NAALADL2: variants seen among roughly 807,000 people sequenced by gnomAD.
NAALADL2 encodes the protein N-acetylated alpha-linked acidic dipeptidase like 2.
NAALADL2 carries 76 observed loss-of-function variants against 87.2 expected under a neutral mutation model. The ratio of observed to expected loss-of-function variants is 0.87; its 90% CI spans 0.72 to 1.05. NAALADL2 has a LOEUF of 1.05. NAALADL2 is among the 50% of genes least tolerant of loss of function. The pLI is 0.00. For missense variants in NAALADL2, 1,089 were observed against 945.8 expected (o/e 1.15, Z -1.99); for synonymous variants, 354 against 331.0 (o/e 1.07, Z -0.75).
chr3:174,959,726 G>A (rs1026294670), intron 1 of NAALADL2, among the ~76,000 whole-genome samples: 7 of 151,954 alleles, frequency 4.6e-5, no homozygotes, highest in Non-Finnish European at 8.8e-5. Context: ...TCTAAATTTC[G>A]GTTATCACAT....
At chr3:174,800,191 A>G (rs1002469451) in intron 3 of NAALADL2, among the ~76,000 whole-genome samples, 6 of 152,182 alleles carry the variant, frequency 3.9e-5, no homozygotes, top group Non-Finnish European at 5.9e-5. Context: ...AGTAACGAGG[A>G]GCTGAATGTT....
chr3:175,266,782 A>G lies in NAALADL2; in HGVS notation c.939+10252A>G, dbSNP rs184852851. Among the ~76,000 whole-genome samples the G allele has an allele frequency of 3.4e-4, 51 of 151,918 alleles. 1 individual carries two copies. Among genetic ancestry groups the G allele is most frequent in the African/African-American group, 1.2e-3 (48 of 41,550 alleles). ...TAACATTTTTCCAATACCCACATTA[A>G]TGATTGTCTTAATATAACTTCTTTG... On this transcript the variant is annotated intron_variant, in intron 4 of 13. Coordinates refer to ENST00000454872, the MANE Select transcript of NAALADL2 (RefSeq NM_207015.3).
intron 1 of NAALADL2, among the ~76,000 whole-genome samples, chr3:175,014,158 A>C (rs374612063): frequency 6.6e-6 from 1 of 152,002 alleles, no homozygotes; most frequent in Non-Finnish European, 1.5e-5. Context: ...CTCATCTTCT[A>C]TGATTATTCT....
intron 5 of NAALADL2, among the ~76,000 whole-genome samples, chr3:175,345,687 C>T (rs1189909410): frequency 6.6e-6 from 1 of 152,010 alleles, no homozygotes; most frequent in African/African-American, 2.4e-5. Context: ...TCTATTTGGG[C>T]AAAGAGAAGT....
At chr3:175,386,092 C>A (rs12630346) in intron 5 of NAALADL2, among the ~76,000 whole-genome samples, 74,022 of 151,760 alleles carry the variant, frequency 0.49, 18,465 homozygotes, top group East Asian at 0.73. Context: ...ATCTGGGAGG[C>A]GATTCTTGAC....
chr3:175,011,153 A>G (rs1474776843), intron 1 of NAALADL2, among the ~76,000 whole-genome samples: 1 of 151,964 alleles, frequency 6.6e-6, no homozygotes, highest in African/African-American at 2.4e-5. Flanking sequence ...GGGCAGCCAT[A>G]TTTGTACATA....
chr3:175,719,166 C>T (rs558051862), intron 11 of NAALADL2, among the ~76,000 whole-genome samples: 6 of 151,418 alleles, frequency 4.0e-5, no homozygotes, highest in Middle Eastern at 3.4e-3. Context: ...CCCCAGGGAA[C>T]ATCGGCAATG....
intron 1 of NAALADL2, among the ~76,000 whole-genome samples, chr3:174,462,876 C>G (rs1170548396): frequency 6.6e-6 from 1 of 152,168 alleles, no homozygotes; most frequent in African/African-American, 2.4e-5. Flanking sequence ...CGCTAGTAGA[C>G]TTTATAAAAA....
chr3:175,665,960 C>T (rs574191975), intron 11 of NAALADL2, among the ~76,000 whole-genome samples: 48 of 152,018 alleles, frequency 3.2e-4, no homozygotes, highest in African/African-American at 1.2e-3. Flanking sequence ...ATTATATTAT[C>T]CTATTTTCAA....
intron 3 of NAALADL2, among the ~76,000 whole-genome samples, chr3:175,246,048 A>C (rs1747914131): frequency 6.6e-6 from 1 of 152,192 alleles, no homozygotes; most frequent in Non-Finnish European, 1.5e-5. Flanking sequence ...GATAATGACC[A>C]TGATGGAAAG....
rs193264615 is a variant in NAALADL2, at chr3:174,701,402, A to G, written c.-114-36239A>G. On this transcript the variant is annotated intron_variant, in intron 2 of 3. Coordinates refer to the NAALADL2 transcript ENST00000434257. ...AGATCATTTTCACCAAATAATATAT[A>G]CAGATAAATTATTTCAAGAATTCAT... Among the ~76,000 whole-genome samples the G allele has an allele frequency of 2.9e-3, 443 of 152,124 alleles. 1 individual carries two copies. The highest frequency in any genetic ancestry group is 0.01 in the Middle Eastern group (3 of 292).
chr3:174,442,684 TC>T (rs1714753816), intron 1 of NAALADL2, among the ~76,000 whole-genome samples: 1 of 152,208 alleles, frequency 6.6e-6, no homozygotes, highest in Non-Finnish European at 1.5e-5. Flanking sequence ...AGAAGAAACT[TC>T]TGGCTTCTTG....
chr3:175,247,305 G>T (rs369209735), intron 3 of NAALADL2, among the ~76,000 whole-genome samples: 5 of 151,818 alleles, frequency 3.3e-5, no homozygotes, highest in African/African-American at 1.2e-4. Context: ...ACATAAGTAA[G>T]TGTATTTAGC....
chr3:175,058,670 A>G (rs955851523), intron 1 of NAALADL2, among the ~76,000 whole-genome samples: 2 of 152,174 alleles, frequency 1.3e-5, no homozygotes, highest in Admixed American at 1.3e-4. Flanking sequence ...TGTGGGAGCA[A>G]GACATCTGTA....
intron 6 of NAALADL2, among the ~76,000 whole-genome samples, chr3:175,462,938 T>C (rs1723377209): frequency 6.6e-6 from 1 of 152,236 alleles, no homozygotes; most frequent in Non-Finnish European, 1.5e-5. Context: ...TTATCATTTT[T>C]AAAGTGTTAA....
intron 1 of NAALADL2, among the ~76,000 whole-genome samples, chr3:174,865,202 A>T (rs954003952): frequency 6.6e-6 from 1 of 152,040 alleles, no homozygotes; most frequent in African/African-American, 2.4e-5. Flanking sequence ...AAAAAATAAT[A>T]AAGTTATAAA....
At chr3:174,588,749 GA>G (rs1717014845) in intron 2 of NAALADL2, among the ~76,000 whole-genome samples, 1 of 152,166 alleles carries the variant, frequency 6.6e-6, no homozygotes, top group Admixed American at 6.5e-5. Context: ...CTTCGTCTCA[GA>G]GGGGCACCTG....
At chr3:175,106,253 T>C (rs905311766) in intron 2 of NAALADL2, among the ~76,000 whole-genome samples, 3 of 152,074 alleles carry the variant, frequency 2.0e-5, no homozygotes, top group Non-Finnish European at 4.4e-5. Flanking sequence ...AGGATCAAAA[T>C]GTTGGAACCA....
At chr3:174,511,488 T>C (rs1180994530) in intron 1 of NAALADL2, among the ~76,000 whole-genome samples, 2 of 152,148 alleles carry the variant, frequency 1.3e-5, no homozygotes, top group South Asian at 2.1e-4. Flanking sequence ...AGCTTTCTTT[T>C]GGTTAGTGAT....
Sources: gnomAD v4.1 joint callset for allele counts (sites outside exome capture counted in the v4.1 genomes callset) on GRCh38, gnomAD v4.1.1 for gene constraint, MANE v1.5 for transcripts, NCBI Gene and HGNC (gene_info 2026-07-23, HGNC 2026-07-21) for gene names.